Variants in HNRNPH1 observed in about 807,000 individuals in gnomAD.
HNRNPH1 encodes heterogeneous nuclear ribonucleoprotein H.
A neutral mutation model predicts 58.6 loss-of-function variants in HNRNPH1; 4 were observed. The ratio of observed to expected loss-of-function variants is 0.07; its 90% CI spans 0.03 to 0.16. HNRNPH1 has a LOEUF of 0.16. Among genes scored for constraint, HNRNPH1 ranks in the 10% least tolerant of loss-of-function variants. The pLI is 1.00. For missense variants in HNRNPH1, 271 were observed against 564.2 expected (o/e 0.48, Z 5.26); for synonymous variants, 192 against 189.2 (o/e 1.01, Z -0.12).
chr5:179,623,902 T>C (rs1316578667), exon 1 of HNRNPH1: 1 of 152,336 alleles, frequency 6.6e-6, no homozygotes, highest in African/African-American at 2.4e-5. Flanking sequence ...CCCGCGAATA[T>C]TGAACTTCGG....
chr5:179,629,152 C>A (rs1299253017), upstream of HNRNPH1: 1 of 150,298 alleles, frequency 6.7e-6, no homozygotes, highest in Non-Finnish European at 1.5e-5. Context: ...AAAAAATTAG[C>A]CGGGCGTGGT....
At chr5:179,620,775 T>C in intron 3 of HNRNPH1, 117 bp downstream of exon 4, 1 of 823,422 alleles carries the variant, frequency 1.2e-6, no homozygotes, top group Non-Finnish European at 1.9e-6. Flanking sequence ...AAACATTAAT[T>C]CATTGGCAAT....
exon 13 of HNRNPH1, chr5:179,614,374 T>A (rs1205752956): frequency 6.6e-6 from 1 of 150,830 alleles, no homozygotes; most frequent in African/African-American, 2.4e-5. Context: ...TAAACTTACG[T>A]GCCTTACAGG....
chr5:179,628,513 C>T (rs1189179577), upstream of HNRNPH1, among the ~76,000 whole-genome samples: 2 of 152,164 alleles, frequency 1.3e-5, no homozygotes, highest in African/African-American at 4.8e-5. Flanking sequence ...GCCACCACAC[C>T]CAGCTAATTT....
At chr5:179,633,628 TA>T (rs1775029758) in intron 2 of HNRNPH1, among the ~76,000 whole-genome samples, 3 of 151,534 alleles carry the variant, frequency 2.0e-5, no homozygotes, top group Admixed American at 2.0e-4. Context: ...AAAAATAAAA[TA>T]AAAAGCCAGG....
intron 3 of HNRNPH1, 53 bp downstream of exon 4, chr5:179,620,839 C>G: frequency 2.6e-6 from 4 of 1,559,174 alleles, no homozygotes; most frequent in Non-Finnish European, 3.5e-6. Context: ...ATTAAATCAC[C>G]TTGCCATAAG....
chr5:179,617,730 A>G, intron 7 of HNRNPH1, 69 bp downstream of exon 8: 1 of 1,603,762 alleles, frequency 6.2e-7, no homozygotes, highest in South Asian at 1.1e-5. Flanking sequence ...CATAGTGCTC[A>G]CATTTATAGA....
chr5:179,623,143 C>G (rs576220252), exon 1 of HNRNPH1: 3 of 1,594,000 alleles, frequency 1.9e-6, no homozygotes, highest in African/African-American at 1.3e-5. Context: ...TCGTCTCTTA[C>G]GCGGTCCGGC....
intron 2 of HNRNPH1, among the ~76,000 whole-genome samples, chr5:179,631,441 A>T (rs1774822358): frequency 6.6e-6 from 1 of 151,504 alleles, no homozygotes; most frequent in African/African-American, 2.4e-5. Flanking sequence ...TTGAGGCCCC[A>T]TCTCTACAAA....
At chr5:179,615,497 A>G (rs367756115) in intron 12 of HNRNPH1, 49 bp downstream of exon 13, 20 of 992,554 alleles carry the variant, frequency 2.0e-5, no homozygotes, top group Middle Eastern at 2.1e-4. Context: ...TTATTACAAC[A>G]TATCAGTATT....
At chr5:179,619,242 C>G (rs776107381) in intron 4 of HNRNPH1, 27 bp downstream of exon 5, 1 of 1,574,334 alleles carries the variant, frequency 6.4e-7, no homozygotes, top group African/African-American at 1.3e-5. Flanking sequence ...AGAAAAGTGA[C>G]ATATCCAACC....
At chr5:179,624,364 C>G in exon 1 of HNRNPH1, 1 of 396,470 alleles carries the variant, frequency 2.5e-6, no homozygotes, top group South Asian at 1.4e-4. Flanking sequence ...GTTTCCGTGC[C>G]TGTGGCTCGC....
exon 1 of HNRNPH1, chr5:179,624,370 C>T (rs748131215): frequency 1.5e-4 from 61 of 396,424 alleles, no homozygotes; most frequent in Admixed American, 6.2e-4. Context: ...GTGCCTGTGG[C>T]TCGCGCCTGT....
chr5:179,614,717 T>C, exon 13 of HNRNPH1: 1 of 596,366 alleles, frequency 1.7e-6, no homozygotes, highest in South Asian at 2.1e-5. Context: ...AATCCTGATT[T>C]CCACTTAGAG....
chr5:179,616,971 A>G lies in HNRNPH1; in HGVS notation c.1118-13T>C. On this transcript the variant is annotated splice_polypyrimidine_tract_variant and intron_variant, in intron 9 of 12. Transcript: ENST00000356731. ...ACATATCTGTGTTCTGAAATGAGAGAAAAGGCATACAAGGTTAGCTTAAAA... is the reference window on the plus strand; with the variant it reads ...ACATATCTGTGTTCTGAAATGAGAGGAAAGGCATACAAGGTTAGCTTAAAA... 1 of 1,570,476 alleles carries G rather than the reference A, an allele frequency of 6.4e-7. No homozygotes were observed. The highest frequency in any genetic ancestry group is 1.1e-5 in the South Asian group (1 of 89,102).
intron 3 of HNRNPH1, chr5:179,619,753 T>C (rs1448479711): frequency 1.2e-5 from 2 of 162,840 alleles, no homozygotes; most frequent in Non-Finnish European, 2.7e-5. Context: ...TTTTACTAAA[T>C]TCAAAACACC....
intron 2 of HNRNPH1, among the ~76,000 whole-genome samples, chr5:179,631,241 TATC>T (rs957397372): frequency 1.6e-4 from 24 of 151,918 alleles, no homozygotes; most frequent in African/African-American, 4.8e-4. Flanking sequence ...GTTATTAAAA[TATC>T]ATGTGGTGGG....
chr5:179,632,394 G>A (rs1203464859), intron 2 of HNRNPH1, among the ~76,000 whole-genome samples: 1 of 152,256 alleles, frequency 6.6e-6, no homozygotes, highest in Non-Finnish European at 1.5e-5. Flanking sequence ...CGGCCAGGCA[G>A]CACGGTCCGC....
chr5:179,617,298 C>T, intron 8 of HNRNPH1, 188 bp from the exon 10 acceptor site: 1 of 731,508 alleles, frequency 1.4e-6, no homozygotes, highest in Admixed American at 2.9e-5. Context: ...TCTGTATTGT[C>T]AATTAAGGAT....
Sources: gnomAD v4.1 joint callset for allele counts (sites outside exome capture counted in the v4.1 genomes callset) on GRCh38, gnomAD v4.1.1 for gene constraint, MANE v1.5 for transcripts, NCBI Gene and HGNC (gene_info 2026-07-23, HGNC 2026-07-21) for gene names.